Variants in SPOCK1 observed in about 807,000 individuals in gnomAD.
The protein encoded by SPOCK1 is testican-1.
SPOCK1 carries 23 observed loss-of-function variants against 55.3 expected under a neutral mutation model. That is an observed-to-expected ratio of 0.42 (90% CI 0.30 to 0.59). The LOEUF (loss-of-function observed/expected upper bound fraction) is 0.59. Ranked by LOEUF, SPOCK1 falls within the 20% of genes least tolerant of loss-of-function variation. SPOCK1 has a pLI of 0.22. For synonymous variants in SPOCK1, 226 were observed against 221.0 expected (o/e 1.02, Z -0.20); for missense variants, 499 against 552.5 (o/e 0.90, Z 0.97).
chr5:137,021,885 G>C (rs571409764), intron 6 of SPOCK1, among the ~76,000 whole-genome samples: 1 of 152,252 alleles, frequency 6.6e-6, no homozygotes, highest in East Asian at 1.9e-4. Flanking sequence ...AGTTTAAAGA[G>C]AAAGATCTAT....
At chr5:137,356,573 T>G (rs1186894816) in intron 2 of SPOCK1, among the ~76,000 whole-genome samples, 3 of 151,202 alleles carry the variant, frequency 2.0e-5, no homozygotes, top group Non-Finnish European at 4.4e-5. Context: ...ATGTATCACT[T>G]GGGGGCCAAG....
In SPOCK1 at chr5:137,382,420, T is replaced by C. The variant is rs566118445; in HGVS notation, c.187-115365A>G. On this transcript the variant is annotated intron_variant, in intron 2 of 10. Transcript: ENST00000394945. The stretch of plus-strand genomic sequence containing the variant: ...TCTTTATAGCAGTGCCCCACTCTCC[T>C]GGTACCAATTTTATGTATTAGTCCA... Among the ~76,000 whole-genome samples the C allele has an allele frequency of 6.1e-4, 93 of 152,330 alleles. 1 individual carries two copies. The highest frequency in any genetic ancestry group is 2.2e-3 in the African/African-American group (90 of 41,576).
chr5:137,495,541 A>T (rs1345442233), intron 2 of SPOCK1, among the ~76,000 whole-genome samples: 2 of 152,254 alleles, frequency 1.3e-5, no homozygotes, highest in African/African-American at 4.8e-5. Context: ...GACATGCATC[A>T]TAACAATAAT....
intron 3 of SPOCK1, among the ~76,000 whole-genome samples, chr5:137,253,458 T>G (rs1756575994): frequency 6.6e-6 from 1 of 152,236 alleles, no homozygotes; most frequent in East Asian, 1.9e-4. Context: ...GCAGGCTGTT[T>G]GAGGAAATTC....
intron 2 of SPOCK1, among the ~76,000 whole-genome samples, chr5:137,369,465 A>G (rs1751151236): frequency 6.6e-6 from 1 of 152,176 alleles, no homozygotes; most frequent in Admixed American, 6.5e-5. Context: ...CAAAACCCCA[A>G]CAGGCAATAT....
At chr5:137,041,392 G>GA (rs1049027296) in intron 6 of SPOCK1, among the ~76,000 whole-genome samples, 12 of 151,928 alleles carry the variant, frequency 7.9e-5, no homozygotes, top group Non-Finnish European at 1.6e-4. Flanking sequence ...AAAACATGGG[G>GA]AAAAAAATCT....
chr5:137,128,628 G>A (rs1468453316), intron 4 of SPOCK1, among the ~76,000 whole-genome samples: 1 of 152,224 alleles, frequency 6.6e-6, no homozygotes, highest in Non-Finnish European at 1.5e-5. Context: ...CAGAAGATGG[G>A]TTTGGGGCAG....
chr5:137,498,301 C>CAA, intron 2 of SPOCK1, 72 bp downstream of exon 2: 1 of 1,402,094 alleles, frequency 7.1e-7, no homozygotes, highest in Non-Finnish European at 9.4e-7. Context: ...CACACACACA[C>CAA]CCCAACCCCG....
intron 6 of SPOCK1, among the ~76,000 whole-genome samples, chr5:137,009,119 C>A (rs1336066607): frequency 1.3e-5 from 2 of 152,110 alleles, no homozygotes; most frequent in African/African-American, 4.8e-5. Flanking sequence ...CAGACCAGGT[C>A]ACAAAGAGAA....
At chr5:137,346,706 G>A (rs1340034881) in intron 2 of SPOCK1, among the ~76,000 whole-genome samples, 3 of 152,170 alleles carry the variant, frequency 2.0e-5, no homozygotes, top group East Asian at 1.9e-4. Flanking sequence ...TTCTACCAAC[G>A]TTCTCCCAAA....
chr5:137,271,301 T>C (rs1297265083), intron 2 of SPOCK1, among the ~76,000 whole-genome samples: 1 of 150,990 alleles, frequency 6.6e-6, no homozygotes, highest in Non-Finnish European at 1.5e-5. Flanking sequence ...AATTTAACTA[T>C]TAATGCTTTA....
intron 2 of SPOCK1, among the ~76,000 whole-genome samples, chr5:137,423,540 G>A (rs556335444): frequency 4.4e-4 from 67 of 152,292 alleles, no homozygotes; most frequent in African/African-American, 1.4e-3. Context: ...AGACTGCTGT[G>A]CTAGCAATGA....
intron 2 of SPOCK1, among the ~76,000 whole-genome samples, chr5:137,309,464 C>T (rs1010764006): frequency 2.2e-4 from 33 of 152,202 alleles, no homozygotes; most frequent in Non-Finnish European, 4.7e-4. Context: ...ACCAAACCTC[C>T]CCTCCTCCTG....
chr5:137,299,307 T>G (rs1757543759), intron 2 of SPOCK1, among the ~76,000 whole-genome samples: 1 of 152,094 alleles, frequency 6.6e-6, no homozygotes, highest in Non-Finnish European at 1.5e-5. Context: ...ATGAATACAC[T>G]TGCACATATT....
intron 3 of SPOCK1, among the ~76,000 whole-genome samples, chr5:137,163,939 A>T (rs1754604210): frequency 6.6e-6 from 1 of 152,208 alleles, no homozygotes; most frequent in Non-Finnish European, 1.5e-5. Context: ...GTAGCTTCTC[A>T]AAAAATTTAA....
chr5:137,163,238 A>C (rs191186616), intron 3 of SPOCK1, among the ~76,000 whole-genome samples: 2 of 152,356 alleles, frequency 1.3e-5, no homozygotes, highest in Admixed American at 1.3e-4. Flanking sequence ...GGTGCTGGAA[A>C]TATAGCAGTA....
intron 5 of SPOCK1, among the ~76,000 whole-genome samples, chr5:137,084,613 T>G (rs1272892964): frequency 6.6e-6 from 1 of 151,568 alleles, no homozygotes. Flanking sequence ...TCACCAAAAG[T>G]CCTAAGGCAC....
intron 2 of SPOCK1, among the ~76,000 whole-genome samples, chr5:137,406,307 A>T (rs1054989375): frequency 6.6e-6 from 1 of 152,184 alleles, no homozygotes; most frequent in Admixed American, 6.5e-5. Context: ...GAAGAGATTA[A>T]TTCTAGGACT....
At chr5:137,493,569 C>T (rs770350385) in intron 2 of SPOCK1, among the ~76,000 whole-genome samples, 2 of 152,180 alleles carry the variant, frequency 1.3e-5, no homozygotes, top group African/African-American at 4.8e-5. Context: ...GGCTCTTAGG[C>T]CTATCAACTT....
Sources: allele counts gnomAD v4.1 joint callset (sites outside exome capture counted in the v4.1 genomes callset), GRCh38; gene constraint gnomAD v4.1.1; transcripts MANE v1.5; gene names NCBI Gene and HGNC (gene_info 2026-07-23, HGNC 2026-07-21).